The following CUX2 variants were observed in gnomAD, a reference collection of about 807,000 sequenced individuals.
CUX2 encodes homeobox protein cut-like 2.
In CUX2, 40 loss-of-function variants were observed where a neutral mutation model predicts 144.8. The observed-to-expected ratio is 0.28, with a 90% CI of 0.21 to 0.36. The LOEUF is 0.36. Ranked by LOEUF, CUX2 falls within the 10% of genes least tolerant of loss-of-function variation. The probability of loss-of-function intolerance (pLI) is 1.00; values close to 1 mark genes in which losing one functional copy is unlikely to be tolerated. For missense variants in CUX2, 1,615 were observed against 1,994.0 expected (o/e 0.81, Z 3.62); for synonymous variants, 827 against 875.6 (o/e 0.94, Z 0.98).
intron 1 of CUX2, among the ~76,000 whole-genome samples, chr12:111,054,643 T>C (rs1325696253): frequency 6.6e-6 from 1 of 152,216 alleles, no homozygotes; most frequent in Non-Finnish European, 1.5e-5. Context: ...ACATTCTTTT[T>C]TGAGATGGAG....
At chr12:111,335,972 T>TCAGC (rs1299253869) in intron 19 of CUX2, among the ~76,000 whole-genome samples, 3 of 149,826 alleles carry the variant, frequency 2.0e-5, no homozygotes, top group African/African-American at 4.9e-5. Context: ...GGCACTGGAG[T>TCAGC]CAGCCCCAGG....
intron 1 of CUX2, among the ~76,000 whole-genome samples, chr12:111,134,109 A>G (rs886964834): frequency 2.6e-5 from 4 of 152,204 alleles, no homozygotes; most frequent in African/African-American, 4.8e-5. Context: ...CCCTCAGGGC[A>G]TGCATGGAAG....
intron 1 of CUX2, among the ~76,000 whole-genome samples, chr12:111,151,526 A>T (rs530010310): frequency 6.6e-6 from 1 of 152,322 alleles, no homozygotes; most frequent in East Asian, 1.9e-4. Flanking sequence ...ACTGACAGGG[A>T]GAATTCGCAG....
Position 111,171,410 on chromosome 12 carries a change from G to T in CUX2, c.64-42790G>T, listed in dbSNP as rs1347728118. Among the ~76,000 whole-genome samples the T allele has an allele frequency of 6.6e-6, 1 of 152,198 alleles. No individual in the cohort carries two copies. Among genetic ancestry groups the T allele is most frequent in the Non-Finnish European group, 1.5e-5 (1 of 68,032 alleles). ...CGGCTTTTCTGAGACCGGCCAGAAG[G>T]ACAGACGAGAGGGGTTTCTTATGCA... is the stretch of plus-strand genomic sequence containing the variant. On this transcript the variant is annotated intron_variant, in intron 1 of 21. Coordinates refer to ENST00000261726, the MANE Select transcript of CUX2 (RefSeq NM_015267.4). This position sits in a 1 kb window ranked among gnomAD's most constrained non-coding sequence, Gnocchi z 5.0.
At chr12:111,118,092 C>G (rs931511698) in intron 1 of CUX2, among the ~76,000 whole-genome samples, 1 of 152,200 alleles carries the variant, frequency 6.6e-6, no homozygotes, top group Non-Finnish European at 1.5e-5. Flanking sequence ...TGACTCCCAA[C>G]TCTTGGCCTC....
chr12:111,148,379 G>A (rs1043668844), intron 1 of CUX2, among the ~76,000 whole-genome samples: 3 of 151,874 alleles, frequency 2.0e-5, no homozygotes, highest in African/African-American at 7.3e-5. Context: ...CGGGTGGCGG[G>A]GAAGAATGGA....
intron 9 of CUX2, among the ~76,000 whole-genome samples, chr12:111,299,940 A>C (rs1364107751): frequency 6.6e-6 from 1 of 152,138 alleles, no homozygotes; most frequent in Non-Finnish European, 1.5e-5. Context: ...GTGCAGTGGC[A>C]CAATCATGGC....
In CUX2 at chr12:111,296,525, G is replaced by C; in HGVS notation, c.690G>C (p.Glu230Asp). Residue 230 changes from glutamate (E) to aspartate (D), a missense_variant, in exon 8 of 22, where the codon GAG becomes GAC. Glu to Asp is a conservative substitution (Grantham distance 45). Coordinates refer to ENST00000261726, the MANE Select transcript of CUX2 (RefSeq NM_015267.4). ...TAGAGCTGCGGCGGAAGTACGACGA[G>C]GAGGCAGCATCCAAGTAAGTGAGCC... ...ELLELRRKYD[E>D]EAASKADEVG... is the part of the protein sequence containing the mutation. The C allele has an allele frequency of 6.2e-7, 1 of 1,611,418 alleles. No individual in the cohort carries two copies. Among genetic ancestry groups the C allele is most frequent in the Non-Finnish European group, 8.5e-7 (1 of 1,178,738 alleles).
chr12:111,275,945 T>A (rs1884853644), intron 4 of CUX2, among the ~76,000 whole-genome samples: 1 of 152,164 alleles, frequency 6.6e-6, no homozygotes, highest in Non-Finnish European at 1.5e-5. Context: ...TTGTTTTGTT[T>A]TTCTCCTTGC....
intron 1 of CUX2, among the ~76,000 whole-genome samples, chr12:111,143,342 G>T (rs1304885916): frequency 6.6e-6 from 1 of 152,184 alleles, no homozygotes; most frequent in Non-Finnish European, 1.5e-5. Context: ...ATATGCGGGT[G>T]TCGGAGGTTA....
At chr12:111,147,341 C>T (rs1279258618) in intron 1 of CUX2, among the ~76,000 whole-genome samples, 1 of 152,144 alleles carries the variant, frequency 6.6e-6, no homozygotes, top group Non-Finnish European at 1.5e-5. Context: ...ATCTTGCTCC[C>T]CCAGCCAGGT....
At chr12:111,043,049 G>A (rs1392988860) in intron 1 of CUX2, among the ~76,000 whole-genome samples, 2 of 152,056 alleles carry the variant, frequency 1.3e-5, no homozygotes, top group Non-Finnish European at 2.9e-5. Flanking sequence ...CTTCACTCCA[G>A]AACTGTACAT....
chr12:111,191,203 A>G (rs1879851791), intron 1 of CUX2, among the ~76,000 whole-genome samples: 1 of 152,180 alleles, frequency 6.6e-6, no homozygotes, highest in South Asian at 2.1e-4. Context: ...GTAGAGCTGC[A>G]GAGGGGGTGA....
At chr12:111,064,248 G>T (rs981097903) in intron 1 of CUX2, among the ~76,000 whole-genome samples, 2 of 152,192 alleles carry the variant, frequency 1.3e-5, no homozygotes, top group Non-Finnish European at 2.9e-5. Context: ...TGAGAAGTGT[G>T]CAGGTGAGAG....
At chr12:111,290,873 T>C (rs1201794282) in intron 4 of CUX2, among the ~76,000 whole-genome samples, 20 of 147,774 alleles carry the variant, frequency 1.4e-4, no homozygotes, top group East Asian at 1.3e-3. Context: ...CAACCTTTTT[T>C]TTTTTTTGAG....
chr12:111,225,042 A>G (rs533368423), intron 3 of CUX2, among the ~76,000 whole-genome samples: 22 of 152,328 alleles, frequency 1.4e-4, no homozygotes, highest in African/African-American at 5.1e-4. Flanking sequence ...AGTAGCTGGG[A>G]CTATAGGCGC....
At chr12:111,127,342 T>G (rs1875156323) in intron 1 of CUX2, among the ~76,000 whole-genome samples, 1 of 152,222 alleles carries the variant, frequency 6.6e-6, no homozygotes. Context: ...CTGCCTGGAC[T>G]GGGTTGTAGT....
At chr12:111,106,742 A>G (rs1873628363) in intron 1 of CUX2, among the ~76,000 whole-genome samples, 1 of 152,258 alleles carries the variant, frequency 6.6e-6, no homozygotes, top group Admixed American at 6.5e-5. Flanking sequence ...CATGTGACAG[A>G]AAGGGGTGGG....
intron 2 of CUX2, among the ~76,000 whole-genome samples, chr12:111,214,749 C>T (rs961733430): frequency 6.6e-6 from 1 of 152,150 alleles, no homozygotes; most frequent in African/African-American, 2.4e-5. Flanking sequence ...ACCCCCTTTA[C>T]GTTCACCTCA....
Sources: allele counts gnomAD v4.1 joint callset (sites outside exome capture counted in the v4.1 genomes callset), GRCh38; gene constraint gnomAD v4.1.1; non-coding constraint Gnocchi (gnomAD v3.1); transcripts MANE v1.5; gene names NCBI Gene and HGNC (gene_info 2026-07-23, HGNC 2026-07-21).